Variants in ABCG8 observed in about 807,000 individuals in gnomAD.
The protein encoded by ABCG8 is ATP-binding cassette sub-family G member 8.
A neutral mutation model predicts 71.3 loss-of-function variants in ABCG8; 81 were observed. The ratio of observed to expected loss-of-function variants is 1.14; its 90% CI spans 0.95 to 1.37. The LOEUF is 1.37. ABCG8 is among the 40% of genes most tolerant of loss of function. The pLI is 0.00. For synonymous variants in ABCG8, 451 were observed against 354.7 expected, an observed-to-expected ratio of 1.27 and a Z score of -3.05; for missense variants, 1,119 against 866.2, an observed-to-expected ratio of 1.29 and a Z score of -3.66.
Position 43,874,433 on chromosome 2 carries a change from T to C in ABCG8, c.1438T>C (p.Tyr480His), listed in dbSNP as rs1669888191. ...TTACTCAGAGAGGGCAATGCTTTACTATGAACTGGAAGACGGGCTGTACAC... is the reference window on the plus strand; with the variant it reads ...TTACTCAGAGAGGGCAATGCTTTACCATGAACTGGAAGACGGGCTGTACAC... The part of the protein sequence containing the change: ...KCYSERAMLY[Y>H]ELEDGLYTTG... The change falls in exon 10 of 13, where the codon TAT becomes CAT. Residue 480 changes from tyrosine (Y) to histidine (H), a missense_variant. Physicochemically the swap from Tyr to His is moderately conservative, Grantham distance 83 (BLOSUM62 2). Transcript: ENST00000272286. The C allele has an allele frequency of 6.2e-6, 10 of 1,613,734 alleles. No individual in the cohort carries two copies. The highest frequency in any genetic ancestry group is 1.3e-5 in the African/African-American group (1 of 74,910).
intron 6 of ABCG8, among the ~76,000 whole-genome samples, chr2:43,869,576 T>G (rs963169882): frequency 2.6e-5 from 4 of 152,170 alleles, no homozygotes; most frequent in Non-Finnish European, 5.9e-5. Flanking sequence ...GATAGAACTC[T>G]CAGTATCTGG....
At chr2:43,874,520 C>T (rs376605071) in intron 10 of ABCG8, 37 bp downstream of exon 10, 11 of 1,513,932 alleles carry the variant, frequency 7.3e-6, no homozygotes, top group Non-Finnish European at 1.0e-5. Flanking sequence ...GCCCCCCACC[C>T]ACCAGGGTGG....
At position 43,851,823 on chromosome 2, in the gene ABCG8, GTAAC is replaced by G; in HGVS notation, c.561+7_561+10del. On this transcript the variant is annotated splice_donor_variant and splice_donor_5th_base_variant and intron_variant, in intron 4 of 12. Coordinates refer to ENST00000272286, the MANE Select transcript of ABCG8 (RefSeq NM_022437.3). LOFTEE classifies it high-confidence loss of function. ...CTCCCAGGCCCAGCGTGACAAAAGG[GTAAC>G]TAACTGGCCCCAGTGGTGACCCCCA... is the stretch of plus-strand genomic sequence containing the variant. The G allele has an allele frequency of 6.2e-7, 1 of 1,614,064 alleles. No homozygotes were observed. Among genetic ancestry groups the G allele is most frequent in the South Asian group, 1.1e-5 (1 of 91,086 alleles).
intron 6 of ABCG8, among the ~76,000 whole-genome samples, chr2:43,855,698 C>T (rs997321410): frequency 1.3e-5 from 2 of 151,882 alleles, no homozygotes; most frequent in Admixed American, 6.6e-5. Flanking sequence ...TTCTCACCAT[C>T]GGGATAGAAC....
intron 6 of ABCG8, among the ~76,000 whole-genome samples, chr2:43,854,762 G>C (rs1669044479): frequency 1.3e-5 from 2 of 152,184 alleles, no homozygotes; most frequent in Non-Finnish European, 1.5e-5. Context: ...GACTGAGCTG[G>C]GTATAGGGAG....
intron 1 of ABCG8, 99 bp from the exon 2 acceptor site, chr2:43,844,408 G>C: frequency 1.1e-6 from 1 of 916,172 alleles, no homozygotes; most frequent in South Asian, 1.4e-5. Context: ...AACCACGTCG[G>C]CTCTAAGAAG....
chr2:43,845,594 G>C (rs530664181), intron 2 of ABCG8, among the ~76,000 whole-genome samples: 3 of 151,916 alleles, frequency 2.0e-5, no homozygotes, highest in Non-Finnish European at 4.4e-5. Flanking sequence ...TTTTATTTCT[G>C]TACCACTATT....
In ABCG8 at chr2:43,871,918, A is replaced by G. The variant is rs55741639; in HGVS notation, c.965-58A>G. The G allele has an allele frequency of 0.051, 82,918 of 1,611,076 alleles. 2,604 individuals carry two copies. The highest frequency in any genetic ancestry group is 0.12 in the Middle Eastern group (685 of 5,536). On this transcript the variant is annotated intron_variant, in intron 6 of 12. Transcript: ENST00000272286. ...GAGCTGGGCGTGCACCAAGCTCTTC[A>G]CCTGTGAGCAGGTGCCAGGGAACAG...
intron 6 of ABCG8, among the ~76,000 whole-genome samples, chr2:43,866,326 A>G (rs1372855506): frequency 2.0e-5 from 3 of 151,946 alleles, no homozygotes; most frequent in Non-Finnish European, 4.4e-5. Context: ...AATGGCAACA[A>G]AAGCCAAAAT....
chr2:43,866,508 A>G (rs1669536604), intron 6 of ABCG8, among the ~76,000 whole-genome samples: 1 of 151,882 alleles, frequency 6.6e-6, no homozygotes, highest in Non-Finnish European at 1.5e-5. Context: ...AGAAAAAAAC[A>G]AACAACCCCA....
rs1211939194 is a variant in ABCG8, at chr2:43,874,344, A to C, written c.1412-63A>C. 3.0e-6 allele frequency: 4 copies of C among 1,328,476 alleles called. No individual in the cohort carries two copies. The African/African-American group carries it at 4.3e-5, about 14-fold the overall frequency. The allele number at this position is 1,328,476 out of a possible 1,614,324, so 82.3% of individuals were successfully genotyped here. A position where few individuals can be genotyped will look rare whatever the true frequency, so the allele number is the denominator to read the frequency against. On this transcript the variant is annotated intron_variant, in intron 9 of 12. Transcript: ENST00000272286. ...TTGAATTGTATTAAGAGAGTCTCCA[A>C]AACAGAAGCACTGTAGATTTATTCT... is the stretch of plus-strand genomic sequence containing the variant.
intron 8 of ABCG8, 111 bp from the exon 9 acceptor site, chr2:43,873,676 A>G (rs187094907): frequency 1.9e-6 from 2 of 1,074,710 alleles, no homozygotes; most frequent in Non-Finnish European, 2.9e-6. Flanking sequence ...AGGTATTACC[A>G]TCCCCATTTT....
intron 6 of ABCG8, among the ~76,000 whole-genome samples, chr2:43,857,238 T>A (rs1304094925): frequency 1.3e-5 from 2 of 151,798 alleles, no homozygotes; most frequent in African/African-American, 4.8e-5. Context: ...CTGGATAGAA[T>A]TCTCACCATC....
intron 6 of ABCG8, among the ~76,000 whole-genome samples, chr2:43,862,230 A>G (rs1669348466): frequency 6.7e-6 from 1 of 150,012 alleles, no homozygotes; most frequent in South Asian, 2.1e-4. Context: ...AACTCTCACT[A>G]TCTGTCTGGA....
intron 10 of ABCG8, 86 bp downstream of exon 10, chr2:43,874,569 T>C: frequency 8.8e-7 from 1 of 1,138,932 alleles, no homozygotes; most frequent in Non-Finnish European, 1.3e-6. Context: ...AGGAAGGCTT[T>C]TCTGAACCAT....
At chr2:43,846,037 G>A (rs1572825521) in intron 2 of ABCG8, 118 bp from the exon 3 acceptor site, 2 of 1,066,490 alleles carry the variant, frequency 1.9e-6, no homozygotes, top group Non-Finnish European at 2.9e-6. Context: ...TTGTGTGTAG[G>A]TGAGGACATA....
At chr2:43,861,720 G>C (rs930097686) in intron 6 of ABCG8, among the ~76,000 whole-genome samples, 1 of 150,740 alleles carries the variant, frequency 6.6e-6, no homozygotes. Context: ...TCCCCAGATA[G>C]TGGACACTAT....
At chr2:43,873,221 C>G (rs1434954127) in intron 8 of ABCG8, among the ~76,000 whole-genome samples, 2 of 150,338 alleles carry the variant, frequency 1.3e-5, no homozygotes, top group African/African-American at 2.5e-5. Context: ...CAGAGTCTCT[C>G]TCTGTCACCC....
At position 43,851,526 on chromosome 2, in the gene ABCG8, T is replaced by C; in HGVS notation, c.323-58T>C. The C allele has an allele frequency of 8.2e-6, 13 of 1,590,260 alleles. 1 individual carries two copies. In the South Asian group the frequency reaches 1.4e-4, roughly 18 times the overall value. On this transcript the variant is annotated intron_variant, in intron 3 of 12. Coordinates refer to ENST00000272286, the MANE Select transcript of ABCG8 (RefSeq NM_022437.3). The stretch of plus-strand genomic sequence containing the variant: ...TGGAGAGTGTATGGGGAGCAGTGGC[T>C]GACAGCCTGGCCCCCACAGAAGCTC...
Sources: allele counts gnomAD v4.1 joint callset (sites outside exome capture counted in the v4.1 genomes callset), GRCh38; gene constraint gnomAD v4.1.1; transcripts MANE v1.5; gene names NCBI Gene and HGNC (gene_info 2026-07-23, HGNC 2026-07-21).